The following CNTN3 variants were observed in gnomAD, a reference collection of about 807,000 sequenced individuals.
CNTN3 encodes the protein contactin-3.
Under a neutral mutation model 119.1 loss-of-function variants are expected in CNTN3, and 60 were observed. The observed-to-expected ratio is 0.50, with a 90% CI of 0.41 to 0.62. The LOEUF is 0.62. Ranked by LOEUF, CNTN3 falls within the 20% of genes least tolerant of loss-of-function variation. CNTN3 has a pLI of 0.00. For synonymous variants in CNTN3, 450 were observed against 438.7 expected, an observed-to-expected ratio of 1.03 and a Z score of -0.32; for missense variants, 1,101 against 1,242.4, an observed-to-expected ratio of 0.89 and a Z score of 1.71.
At chr3:74,549,603 T>A (rs2107158233) in intron 1 of CNTN3, among the ~76,000 whole-genome samples, 1 of 152,080 alleles carries the variant, frequency 6.6e-6, no homozygotes, top group East Asian at 1.9e-4. Flanking sequence ...GACATTTCCA[T>A]CAAAGTAAAG....
At chr3:74,336,752 T>C (rs1703405042) in intron 11 of CNTN3, 94 bp from the exon 12 acceptor site, 1 of 1,033,594 alleles carries the variant, frequency 9.7e-7, no homozygotes, top group African/African-American at 1.6e-5. Context: ...TGCCTTAAGC[T>C]AGTATTTTTA....
chr3:74,592,928 A>T (rs993091211), intron 1 of CNTN3, among the ~76,000 whole-genome samples: 1 of 152,016 alleles, frequency 6.6e-6, no homozygotes, highest in Non-Finnish European at 1.5e-5. Flanking sequence ...ATCACTTCAT[A>T]AAACTACCAG....
At chr3:74,585,820 A>G (rs1376925591) in intron 1 of CNTN3, among the ~76,000 whole-genome samples, 1 of 152,174 alleles carries the variant, frequency 6.6e-6, no homozygotes, top group Non-Finnish European at 1.5e-5. Flanking sequence ...TTGGATAAAT[A>G]TAGACAAAAA....
intron 20 of CNTN3, among the ~76,000 whole-genome samples, chr3:74,276,508 A>G (rs1290992694): frequency 2.0e-5 from 3 of 152,242 alleles, no homozygotes; most frequent in Non-Finnish European, 2.9e-5. Flanking sequence ...ATGCAAATAC[A>G]TGAAAAGTAA....
intron 1 of CNTN3, among the ~76,000 whole-genome samples, chr3:74,536,749 T>C (rs2107142224): frequency 6.6e-6 from 1 of 152,184 alleles, no homozygotes; most frequent in Admixed American, 6.5e-5. Context: ...GCAGAACAAG[T>C]TCCCTTCACC....
At chr3:74,323,120 C>T (rs189922272) in intron 13 of CNTN3, among the ~76,000 whole-genome samples, 10 of 152,214 alleles carry the variant, frequency 6.6e-5, no homozygotes, top group Admixed American at 5.9e-4. Flanking sequence ...GAAGAATGAA[C>T]TCCAATGTAA....
intron 1 of CNTN3, among the ~76,000 whole-genome samples, chr3:74,589,585 G>C (rs1228769297): frequency 7.7e-5 from 11 of 143,158 alleles, no homozygotes; most frequent in Non-Finnish European, 1.4e-4. Flanking sequence ...AATACCATTT[G>C]ACCCAGCCAT....
At chr3:74,343,089 C>T (rs1703587449) in intron 11 of CNTN3, among the ~76,000 whole-genome samples, 1 of 152,148 alleles carries the variant, frequency 6.6e-6, no homozygotes, top group Non-Finnish European at 1.5e-5. Flanking sequence ...TTATATGAGT[C>T]TAACCAGGGA....
intron 1 of CNTN3, among the ~76,000 whole-genome samples, chr3:74,609,783 C>T (rs1488236346): frequency 6.6e-6 from 1 of 152,192 alleles, no homozygotes; most frequent in Non-Finnish European, 1.5e-5. Flanking sequence ...GGGCCAGATA[C>T]TTTGACAGAA....
At chr3:74,614,300 G>A (rs1170017910) in intron 1 of CNTN3, among the ~76,000 whole-genome samples, 91 bp downstream of exon 1, 1 of 152,130 alleles carries the variant, frequency 6.6e-6, no homozygotes, top group African/African-American at 2.4e-5. Context: ...CGGGGCTGAG[G>A]AGCCATGAAG....
At chr3:74,382,544 G>A (rs1704647845) in intron 5 of CNTN3, among the ~76,000 whole-genome samples, 1 of 151,848 alleles carries the variant, frequency 6.6e-6, no homozygotes, top group Non-Finnish European at 1.5e-5. Context: ...CCAGCCTATG[G>A]TAACCACCAT....
chr3:74,484,411 G>A (rs1285478762), intron 4 of CNTN3, among the ~76,000 whole-genome samples: 2 of 152,022 alleles, frequency 1.3e-5, no homozygotes, highest in Non-Finnish European at 2.9e-5. Flanking sequence ...GGAAAGAACA[G>A]GCTGAGATGA....
At chr3:74,522,066 T>C (rs1559644641) in intron 1 of CNTN3, among the ~76,000 whole-genome samples, 1 of 151,870 alleles carries the variant, frequency 6.6e-6, no homozygotes. Context: ...AAGAGAGAAC[T>C]TGGCCTCCTG....
intron 1 of CNTN3, among the ~76,000 whole-genome samples, chr3:74,568,177 ATTAC>A (rs75629531): frequency 0.14 from 21,505 of 152,196 alleles, 1,719 homozygotes; most frequent in East Asian, 0.34. Flanking sequence ...TTAAATAGGA[ATTAC>A]TTAATGATTT....
At chr3:74,427,186 G>A (rs906012369) in intron 4 of CNTN3, among the ~76,000 whole-genome samples, 7 of 152,168 alleles carry the variant, frequency 4.6e-5, no homozygotes, top group African/African-American at 1.4e-4. Flanking sequence ...GTTCATGGAC[G>A]TAGCATCAGG....
At chr3:74,576,603 G>A (rs1704421459) in intron 1 of CNTN3, among the ~76,000 whole-genome samples, 1 of 152,038 alleles carries the variant, frequency 6.6e-6, no homozygotes, top group Non-Finnish European at 1.5e-5. Flanking sequence ...AAAAATCAGA[G>A]TGATCACACT....
intron 5 of CNTN3, among the ~76,000 whole-genome samples, chr3:74,411,087 C>A (rs1434781766): frequency 6.6e-6 from 1 of 151,960 alleles, no homozygotes; most frequent in Non-Finnish European, 1.5e-5. Flanking sequence ...CCCTTTCTTT[C>A]TTTTGTTGTT....
chr3:74,419,990 C>T (rs1183967038), intron 5 of CNTN3, among the ~76,000 whole-genome samples: 3 of 152,184 alleles, frequency 2.0e-5, no homozygotes, highest in Non-Finnish European at 4.4e-5. Flanking sequence ...AATAATTATG[C>T]TACAGGTGAT....
At chr3:74,372,388 T>G (rs1704362787) in intron 5 of CNTN3, among the ~76,000 whole-genome samples, 2 of 152,130 alleles carry the variant, frequency 1.3e-5, no homozygotes, top group African/African-American at 4.8e-5. Context: ...GAACCATTGT[T>G]CTTCTCTTTT....
Sources: gnomAD v4.1 joint callset for allele counts (sites outside exome capture counted in the v4.1 genomes callset) on GRCh38, gnomAD v4.1.1 for gene constraint, MANE v1.5 for transcripts, NCBI Gene and HGNC (gene_info 2026-07-23, HGNC 2026-07-21) for gene names.